Variants in BLTP1 observed in about 807,000 individuals in gnomAD.
BLTP1 encodes the protein fragile site-associated protein.
chr4:122,190,425 C>G, the BLTP1 span: 13 of 977,694 alleles, frequency 1.3e-5, no homozygotes, highest in African/African-American at 2.1e-4. Flanking sequence ...TGTTTCATAG[C>G]TACAATTCTA....
chr4:122,352,418 G>A, the BLTP1 span, among the ~76,000 whole-genome samples: 1 of 142,240 alleles, frequency 7.0e-6, no homozygotes, highest in Admixed American at 7.2e-5. Context: ...GGAGTGCAGT[G>A]GCACGATCTC....
At chr4:122,170,143 C>T in the BLTP1 span, among the ~76,000 whole-genome samples, 15 of 151,808 alleles carry the variant, frequency 9.9e-5, no homozygotes, top group Non-Finnish European at 2.2e-4. Flanking sequence ...CCCATCTCTA[C>T]TAAAAATACA....
chr4:122,200,028 A>G, the BLTP1 span: 4 of 976,360 alleles, frequency 4.1e-6, no homozygotes, highest in Non-Finnish European at 4.9e-6. Flanking sequence ...AAAAGCTGCT[A>G]TGTAAAATGG....
the BLTP1 span, among the ~76,000 whole-genome samples, chr4:122,239,237 A>G: frequency 5.3e-4 from 80 of 152,252 alleles, no homozygotes; most frequent in Non-Finnish European, 6.2e-4. Context: ...TTATAAGTGC[A>G]TTAGTGTCCA....
the BLTP1 span, chr4:122,251,218 G>GTAATA: frequency 0.19 from 157,542 of 828,538 alleles, 17,340 homozygotes; most frequent in Non-Finnish European, 0.2. Flanking sequence ...ACTGAAGCAG[G>GTAATA]TAATACATAT....
At chr4:122,240,166 C>T in the BLTP1 span, 35 of 1,613,934 alleles carry the variant, frequency 2.2e-5, no homozygotes, top group East Asian at 8.9e-5. Context: ...CAGATTACTC[C>T]GCAACAACCC....
At chr4:122,289,590 A>G in the BLTP1 span, 22 of 985,320 alleles carry the variant, frequency 2.2e-5, no homozygotes, top group Non-Finnish European at 1.2e-6. Context: ...GGAAACCCTC[A>G]TTATATTTTT....
At chr4:122,347,705 C>T in the BLTP1 span, 1 of 1,613,738 alleles carries the variant, frequency 6.2e-7, no homozygotes, top group South Asian at 1.1e-5. Context: ...TCACCAGGGA[C>T]AGTAGGACAG....
At chr4:122,220,412 A>C in the BLTP1 span, 3 of 1,612,412 alleles carry the variant, frequency 1.9e-6, no homozygotes, top group Non-Finnish European at 2.5e-6. Flanking sequence ...GGATTTAGGG[A>C]GACCATGCTG....
chr4:122,223,596 T>C, the BLTP1 span, among the ~76,000 whole-genome samples: 3 of 152,146 alleles, frequency 2.0e-5, no homozygotes, highest in African/African-American at 4.8e-5. Flanking sequence ...CAAGGTGAGG[T>C]AGGCAGTGCT....
chr4:122,178,998 G>T, the BLTP1 span, among the ~76,000 whole-genome samples: 1 of 152,148 alleles, frequency 6.6e-6, no homozygotes. Flanking sequence ...ACCTTTTGAG[G>T]CAAGGCATGT....
the BLTP1 span, chr4:122,312,868 A>C: frequency 5.6e-4 from 472 of 849,882 alleles, 1 homozygote; most frequent in Non-Finnish European, 6.5e-4. Flanking sequence ...AAGGACATTA[A>C]AGATATATGT....
the BLTP1 span, among the ~76,000 whole-genome samples, chr4:122,310,639 TC>T: frequency 6.6e-6 from 1 of 152,148 alleles, no homozygotes; most frequent in Admixed American, 6.6e-5. Context: ...GATGCTCCTT[TC>T]CTCTGGGTAT....
At chr4:122,337,328 A>ATG in the BLTP1 span, among the ~76,000 whole-genome samples, 1 of 152,130 alleles carries the variant, frequency 6.6e-6, no homozygotes, top group Non-Finnish European at 1.5e-5. Context: ...CTTACCTTAA[A>ATG]TGTGCTCAGA....
the BLTP1 span, chr4:122,298,855 T>C: frequency 7.1e-6 from 7 of 985,044 alleles, no homozygotes; most frequent in Non-Finnish European, 8.4e-6. Context: ...AAACTGGGAC[T>C]GAAAGACACA....
the BLTP1 span, chr4:122,246,587 T>C: frequency 2.9e-6 from 4 of 1,381,008 alleles, no homozygotes; most frequent in East Asian, 2.3e-5. Context: ...TACATAGATA[T>C]GCCATTCTTA....
chr4:122,349,713 GA>G, the BLTP1 span: 1 of 1,536,976 alleles, frequency 6.5e-7, no homozygotes, highest in Admixed American at 2.1e-5. The surrounding 1 kb of genome is among the most constrained non-coding windows in gnomAD (Gnocchi z 4.5). Context: ...CATCTGGTGA[GA>G]AAACAGCAAT....
At chr4:122,244,034 A>AT in the BLTP1 span, 1 of 1,570,284 alleles carries the variant, frequency 6.4e-7, no homozygotes, top group Non-Finnish European at 8.6e-7. Context: ...ACAGGTATTG[A>AT]TTTTGTCTAG....
the BLTP1 span, chr4:122,201,188 T>G: frequency 3.8e-6 from 5 of 1,306,896 alleles, no homozygotes; most frequent in Non-Finnish European, 5.3e-6. Flanking sequence ...TTACATTTGA[T>G]AAGTTTTACT....
Sources: gnomAD v4.1 joint callset for allele counts (sites outside exome capture counted in the v4.1 genomes callset) on GRCh38, gnomAD v4.1.1 for gene constraint, Gnocchi (gnomAD v3.1) non-coding constraint, MANE v1.5 for transcripts, NCBI Gene and HGNC (gene_info 2026-07-23, HGNC 2026-07-21) for gene names.